L3MBTL3: variants seen among roughly 807,000 people sequenced by gnomAD.
L3MBTL3 encodes the protein lethal(3)malignant brain tumor-like protein 3.
L3MBTL3 carries 27 observed loss-of-function variants against 102.3 expected under a neutral mutation model. The observed-to-expected ratio is 0.26, with a 90% confidence interval of 0.19 to 0.36. The LOEUF is 0.36. Ranked by LOEUF, L3MBTL3 falls within the 10% of genes least tolerant of loss-of-function variation. The pLI is 1.00. For synonymous variants in L3MBTL3, 340 were observed against 320.9 expected, an observed-to-expected ratio of 1.06 and a Z score of -0.64; for missense variants, 798 against 955.3, an observed-to-expected ratio of 0.84 and a Z score of 2.17.
intron 16 of L3MBTL3, among the ~76,000 whole-genome samples, chr6:130,086,703 G>A (rs1783711965): frequency 6.6e-6 from 1 of 152,090 alleles, no homozygotes; most frequent in African/African-American, 2.4e-5. Flanking sequence ...AGTAATAAAA[G>A]TCAAATGCCT....
chr6:130,138,352 T>C (rs1398069094), intron 22 of L3MBTL3: 1 of 152,204 alleles, frequency 6.6e-6, no homozygotes, highest in African/African-American at 2.4e-5. Flanking sequence ...GTTGGCAGGG[T>C]TGCTTCCTCC....
At chr6:130,100,241 A>G (rs193083353) in intron 18 of L3MBTL3, among the ~76,000 whole-genome samples, 1 of 152,324 alleles carries the variant, frequency 6.6e-6, no homozygotes, top group African/African-American at 2.4e-5. Flanking sequence ...TCCTCATTTT[A>G]CAGATGAAAC....
At chr6:130,053,837 A>G (rs1230551567) in intron 7 of L3MBTL3, among the ~76,000 whole-genome samples, 1 of 152,182 alleles carries the variant, frequency 6.6e-6, no homozygotes, top group Admixed American at 6.5e-5. Context: ...TACAACTGTT[A>G]CTTGGGAGTC....
At chr6:130,053,095 T>G (rs1781210505) in intron 7 of L3MBTL3, 104 bp downstream of exon 7, 1 of 824,586 alleles carries the variant, frequency 1.2e-6, no homozygotes, top group East Asian at 2.5e-5. Flanking sequence ...AAATGTGGGT[T>G]CCAGGACTAT....
At chr6:130,129,436 A>G (rs13193654) in intron 20 of L3MBTL3, among the ~76,000 whole-genome samples, 6,210 of 152,242 alleles carry the variant, frequency 0.041, 185 homozygotes, top group Non-Finnish European at 0.065. Context: ...GTTGAGGATG[A>G]CAGCTTTGGT....
intron 2 of L3MBTL3, among the ~76,000 whole-genome samples, chr6:130,037,416 ACTGT>A (rs1483079683): frequency 6.6e-6 from 1 of 152,008 alleles, no homozygotes; most frequent in African/African-American, 2.4e-5. Flanking sequence ...CTGTCGCTCT[ACTGT>A]CTATCAAAAA....
intron 18 of L3MBTL3, among the ~76,000 whole-genome samples, chr6:130,104,069 C>G (rs1330598385): frequency 6.6e-6 from 1 of 152,174 alleles, no homozygotes; most frequent in Admixed American, 6.5e-5. Flanking sequence ...ATTAACCAAT[C>G]AATCAGTCTC....
chr6:130,107,471 A>G (rs1416452321), intron 19 of L3MBTL3, among the ~76,000 whole-genome samples: 2 of 152,258 alleles, frequency 1.3e-5, no homozygotes, highest in Non-Finnish European at 2.9e-5. Context: ...TTAATGCCTT[A>G]AAACCTAGAG....
At chr6:130,023,046 C>T (rs1027564200) in intron 2 of L3MBTL3, among the ~76,000 whole-genome samples, 8 of 152,074 alleles carry the variant, frequency 5.3e-5, no homozygotes, top group African/African-American at 1.9e-4. Context: ...CCAGTGCTTT[C>T]TACTGTTTAT....
intron 2 of L3MBTL3, among the ~76,000 whole-genome samples, chr6:130,030,316 A>G (rs762391902): frequency 2.0e-5 from 3 of 152,164 alleles, no homozygotes; most frequent in African/African-American, 4.8e-5. Context: ...CTAAAGCTCA[A>G]GAAAGGTTAG....
At chr6:130,035,079 A>G (rs2114610906) in intron 2 of L3MBTL3, among the ~76,000 whole-genome samples, 1 of 152,314 alleles carries the variant, frequency 6.6e-6, no homozygotes, top group South Asian at 2.1e-4. Flanking sequence ...AAATATTTTC[A>G]TGGGAAGACA....
intron 19 of L3MBTL3, among the ~76,000 whole-genome samples, chr6:130,119,417 A>T (rs182457215): frequency 3.3e-5 from 5 of 152,356 alleles, no homozygotes; most frequent in Non-Finnish European, 1.5e-5. Context: ...TAGCATGGTA[A>T]GCTAATTTTA....
At chr6:130,042,616 A>G (rs1237678410) in intron 2 of L3MBTL3, 69 bp from the exon 3 acceptor site, 3 of 887,232 alleles carry the variant, frequency 3.4e-6, no homozygotes, top group Non-Finnish European at 1.9e-6. Flanking sequence ...AACTGAACTA[A>G]CGAGTACTAA....
chr6:130,097,034 C>T (rs1784400692), intron 18 of L3MBTL3, among the ~76,000 whole-genome samples: 2 of 152,182 alleles, frequency 1.3e-5, no homozygotes, highest in Non-Finnish European at 2.9e-5. Context: ...CACAGAACTC[C>T]TGGAGGTCCC....
chr6:130,110,042 C>T (rs1785252040), intron 19 of L3MBTL3, among the ~76,000 whole-genome samples: 1 of 152,028 alleles, frequency 6.6e-6, no homozygotes. Context: ...TCTCTGTTCT[C>T]TTCCATTGGT....
chr6:130,138,166 G>A (rs1404685034), intron 22 of L3MBTL3: 1 of 152,216 alleles, frequency 6.6e-6, no homozygotes, highest in Non-Finnish European at 1.5e-5. Flanking sequence ...ATCTTAAGAA[G>A]TAGCAATTTA....
intron 19 of L3MBTL3, among the ~76,000 whole-genome samples, chr6:130,106,905 C>G (rs1371497148): frequency 6.6e-6 from 1 of 152,206 alleles, no homozygotes; most frequent in East Asian, 1.9e-4. Flanking sequence ...AAATCCTGAG[C>G]ATGCCACATT....
intron 22 of L3MBTL3, among the ~76,000 whole-genome samples, chr6:130,135,362 C>A (rs1219924807): frequency 6.6e-6 from 1 of 152,114 alleles, no homozygotes; most frequent in East Asian, 1.9e-4. Context: ...CCGTGCCCAG[C>A]CTGAATTCAT....
Position 130,095,453 on chromosome 6 carries a change from G to A in L3MBTL3, c.1736+1086G>A, listed in dbSNP as rs543808453. Among the ~76,000 whole-genome samples, 7 of 151,998 alleles carry A rather than the reference G, an allele frequency of 4.6e-5. No individual in the cohort carries two copies. The South Asian group carries it at 8.3e-4, about 18-fold the overall frequency. ...GCATAGACAGGATGATGATGATTCC[G>A]TTTGCAAATCCTTTTTGTTGCTTGT... On this transcript the variant is annotated intron_variant, in intron 18 of 22. Transcript: ENST00000361794.
Sources: gnomAD v4.1 joint callset for allele counts (sites outside exome capture counted in the v4.1 genomes callset) on GRCh38, gnomAD v4.1.1 for gene constraint, MANE v1.5 for transcripts, NCBI Gene and HGNC (gene_info 2026-07-23, HGNC 2026-07-21) for gene names.